The following PRKG1 variants were observed in gnomAD, a reference collection of about 807,000 sequenced individuals.
PRKG1 encodes the protein protein kinase cGMP-dependent 1.
A neutral mutation model predicts 88.1 loss-of-function variants in PRKG1; 35 were observed. That is an observed-to-expected ratio of 0.40 (90% CI 0.30 to 0.53). The LOEUF (loss-of-function observed/expected upper bound fraction) is 0.53. PRKG1 is among the 20% of genes least tolerant of loss of function. PRKG1 has a pLI of 0.59. For synonymous variants in PRKG1, 303 were observed against 292.5 expected (o/e 1.04, Z -0.37); for missense variants, 540 against 839.8 (o/e 0.64, Z 4.41).
chr10:51,138,997 G>A (rs1002179772), intron 1 of PRKG1, among the ~76,000 whole-genome samples: 2 of 151,970 alleles, frequency 1.3e-5, no homozygotes, highest in Admixed American at 6.6e-5. Context: ...TTTTGAACAG[G>A]TGATGAGACC....
intron 9 of PRKG1, among the ~76,000 whole-genome samples, chr10:52,245,582 A>G (rs1841001846): frequency 6.6e-6 from 1 of 152,066 alleles, no homozygotes; most frequent in Admixed American, 6.6e-5. Flanking sequence ...AAACTCAGTC[A>G]TACATGACAG....
At chr10:51,642,360 A>G (rs570555611) in intron 3 of PRKG1, among the ~76,000 whole-genome samples, 5 of 152,202 alleles carry the variant, frequency 3.3e-5, no homozygotes, top group Non-Finnish European at 7.3e-5. Flanking sequence ...ACTGCACTCC[A>G]GGCTGGTTGA....
intron 2 of PRKG1, among the ~76,000 whole-genome samples, chr10:51,187,217 A>C (rs1340079253): frequency 6.6e-6 from 1 of 151,704 alleles, no homozygotes; most frequent in Non-Finnish European, 1.5e-5. Flanking sequence ...ATCCAAATAT[A>C]TGAAGTTCAC....
rs113200671 is a variant in PRKG1 at position 51,716,071 on chromosome 10, G to A, written c.593-88514G>A. On this transcript the variant is annotated intron_variant, in intron 3 of 17. Coordinates refer to ENST00000373980, the MANE Select transcript of PRKG1 (RefSeq NM_006258.4). ...GGTTCCATATTCTTTGCTTTGCAGCGTGATGGTCCCTTATTACCCCTTCTC... is the reference window on the plus strand; with the variant it reads ...GGTTCCATATTCTTTGCTTTGCAGCATGATGGTCCCTTATTACCCCTTCTC... 2.3e-3 allele frequency among the ~76,000 whole-genome samples: 349 copies of A among 152,244 alleles called. 2 individuals carry two copies. The highest frequency in any genetic ancestry group is 8.0e-3 in the African/African-American group (333 of 41,534).
chr10:51,380,520 C>T (rs529213144), intron 2 of PRKG1, among the ~76,000 whole-genome samples: 2 of 152,276 alleles, frequency 1.3e-5, no homozygotes, highest in South Asian at 4.1e-4. Context: ...ATGAAATAGG[C>T]CTGGTGCAGT....
At chr10:51,421,125 A>ATG (rs1838403123) in intron 2 of PRKG1, among the ~76,000 whole-genome samples, 2 of 152,066 alleles carry the variant, frequency 1.3e-5, no homozygotes, top group Non-Finnish European at 2.9e-5. Flanking sequence ...CCTGGCTGCC[A>ATG]TGTGCTGCAG....
chr10:51,067,956 C>T (rs969656631), intron 1 of PRKG1, among the ~76,000 whole-genome samples: 3 of 152,010 alleles, frequency 2.0e-5, no homozygotes, highest in African/African-American at 7.2e-5. Flanking sequence ...CCAGTCTAGA[C>T]CATGAAGGAA....
intron 9 of PRKG1, among the ~76,000 whole-genome samples, chr10:52,200,172 G>A (rs1839627658): frequency 6.6e-6 from 1 of 152,014 alleles, no homozygotes; most frequent in Non-Finnish European, 1.5e-5. Context: ...AATAACCATA[G>A]TATCTAACAG....
chr10:51,671,660 C>T (rs1236159479), intron 3 of PRKG1, among the ~76,000 whole-genome samples: 1 of 151,218 alleles, frequency 6.6e-6, no homozygotes, highest in Non-Finnish European at 1.5e-5. Context: ...GATTTCAGCT[C>T]ACTGCAACCT....
intron 2 of PRKG1, among the ~76,000 whole-genome samples, chr10:51,417,859 A>G (rs138429776): frequency 6.6e-6 from 1 of 152,170 alleles, no homozygotes; most frequent in African/African-American, 2.4e-5. Context: ...TCTTGGTTGG[A>G]TGAGACTTGG....
intron 2 of PRKG1, among the ~76,000 whole-genome samples, chr10:51,455,476 T>G (rs1251188833): frequency 6.6e-6 from 1 of 152,188 alleles, no homozygotes; most frequent in African/African-American, 2.4e-5. Context: ...GCAAATTTTC[T>G]GCTCTTTTTC....
At chr10:51,360,807 T>C (rs566694169) in intron 2 of PRKG1, among the ~76,000 whole-genome samples, 10 of 151,990 alleles carry the variant, frequency 6.6e-5, no homozygotes, top group African/African-American at 2.4e-4. Context: ...GTCCTCTTGT[T>C]TTAGAGCAGG....
intron 2 of PRKG1, among the ~76,000 whole-genome samples, chr10:51,327,416 CAA>C (rs778963198): frequency 1.5e-4 from 12 of 80,020 alleles, no homozygotes; most frequent in Admixed American, 2.9e-4. Flanking sequence ...GACTCAATCT[CAA>C]AAAAAAAAAA....
intron 2 of PRKG1, among the ~76,000 whole-genome samples, chr10:51,162,204 G>A (rs544304239): frequency 1.1e-3 from 169 of 152,240 alleles, no homozygotes; most frequent in Non-Finnish European, 2.1e-3. Context: ...GCACAGGGGA[G>A]CTTACTGGTG....
At chr10:51,345,476 A>G (rs1045254672) in intron 2 of PRKG1, among the ~76,000 whole-genome samples, 1 of 152,166 alleles carries the variant, frequency 6.6e-6, no homozygotes, top group Non-Finnish European at 1.5e-5. Context: ...GAGCAAAACC[A>G]TGGGATGTAT....
At chr10:51,799,299 A>C (rs1839102258) in intron 3 of PRKG1, among the ~76,000 whole-genome samples, 1 of 152,050 alleles carries the variant, frequency 6.6e-6, no homozygotes, top group Admixed American at 6.6e-5. Flanking sequence ...ATCAAGGCAC[A>C]CAAGAACCTT....
chr10:52,061,813 T>C (rs1846242654), intron 6 of PRKG1, among the ~76,000 whole-genome samples: 1 of 152,050 alleles, frequency 6.6e-6, no homozygotes. Context: ...AGGGATATAG[T>C]CAGTTACAGC....
chr10:51,586,972 T>A (rs1168736312), intron 3 of PRKG1, among the ~76,000 whole-genome samples: 1 of 152,160 alleles, frequency 6.6e-6, no homozygotes, highest in East Asian at 1.9e-4. Context: ...CATTTAAGTG[T>A]GGCATATTTT....
intron 3 of PRKG1, among the ~76,000 whole-genome samples, chr10:51,525,293 A>C (rs542128579): frequency 1.9e-3 from 283 of 152,286 alleles, no homozygotes; most frequent in African/African-American, 6.5e-3. Context: ...GAAGGAAGGA[A>C]AACCTTAACA....
Sources: gnomAD v4.1 joint callset for allele counts (sites outside exome capture counted in the v4.1 genomes callset) on GRCh38, gnomAD v4.1.1 for gene constraint, MANE v1.5 for transcripts, NCBI Gene and HGNC (gene_info 2026-07-23, HGNC 2026-07-21) for gene names.